PRH1: variants seen among roughly 807,000 people sequenced by gnomAD.
PRH1 encodes the protein salivary acidic proline-rich phosphoprotein 1/2.
PRH1 carries 7 observed loss-of-function variants against 7.9 expected under a neutral mutation model. The ratio of observed to expected loss-of-function variants is 0.89; its 90% CI spans 0.50 to 1.67. The LOEUF (loss-of-function observed/expected upper bound fraction) is 1.67. Ranked by LOEUF, PRH1 falls within the 40% of genes most tolerant of loss-of-function variation. PRH1 has a pLI of 0.00. For synonymous variants in PRH1, 45 were observed against 80.8 expected, an observed-to-expected ratio of 0.56 and a Z score of 2.38; for missense variants, 109 against 223.6, an observed-to-expected ratio of 0.49 and a Z score of 3.27.
intron 1 of PRH1, among the ~76,000 whole-genome samples, chr12:11,041,886 C>A (rs972125418): frequency 6.6e-6 from 1 of 151,854 alleles, no homozygotes; most frequent in African/African-American, 2.4e-5. Flanking sequence ...ACCAGTAGGT[C>A]AACAAATAAA....
chr12:11,068,422 T>C (rs924758556), intron 1 of PRH1, among the ~76,000 whole-genome samples: 1 of 152,234 alleles, frequency 6.6e-6, no homozygotes, highest in Non-Finnish European at 1.5e-5. Context: ...ATTTTCTTTG[T>C]TGTATTATTC....
At chr12:10,950,721 G>A (rs1950557619) in intron 2 of PRH1, among the ~76,000 whole-genome samples, 3 of 151,868 alleles carry the variant, frequency 2.0e-5, no homozygotes, top group African/African-American at 7.3e-5. Flanking sequence ...CATATTGTAA[G>A]GGAAAATTAG....
chr12:11,046,836 C>T (rs1483301655), intron 1 of PRH1, among the ~76,000 whole-genome samples: 4 of 152,076 alleles, frequency 2.6e-5, no homozygotes, highest in African/African-American at 9.7e-5. Flanking sequence ...CATTGACAGT[C>T]ATTAGTTTTA....
At chr12:10,929,260 G>C (rs745490657) in intron 2 of PRH1, 1 of 1,614,164 alleles carries the variant, frequency 6.2e-7, no homozygotes, top group East Asian at 2.2e-5. Flanking sequence ...AGTGACACCA[G>C]AGCCTTCTGC....
Position 10,903,931 on chromosome 12 carries a change from CAAAA to C in PRH1, c.-58-19660_-58-19657del, listed in dbSNP as rs546066515. ...AATGCAATCCCATTTACAATAGCCT[CAAAA>C]AAAAAAAAAAAAAAAAAAACAACTA... On this transcript the variant is annotated intron_variant, in intron 2 of 3. Transcript: ENST00000539853. 5.1e-4 allele frequency among the ~76,000 whole-genome samples: 16 copies of C among 31,098 alleles called. 1 individual carries two copies. The Admixed American group carries it at 7.1e-3, about 14-fold the overall frequency. The allele number at this position is 31,098 out of a possible 152,430, so 20.4% of individuals were successfully genotyped here. A position where few individuals can be genotyped will look rare whatever the true frequency, so the allele number is the denominator to read the frequency against.
At chr12:11,127,027 T>C (rs1946155712) in intron 1 of PRH1, among the ~76,000 whole-genome samples, 1 of 152,214 alleles carries the variant, frequency 6.6e-6, no homozygotes, top group Admixed American at 6.5e-5. Context: ...TTAATTTCTA[T>C]GTGCTCCTGA....
intron 1 of PRH1, among the ~76,000 whole-genome samples, chr12:11,038,572 T>C (rs1942554689): frequency 6.6e-6 from 1 of 152,268 alleles, no homozygotes; most frequent in South Asian, 2.1e-4. Context: ...CTCAAATTTG[T>C]TCATTTTCTC....
chr12:10,970,676 T>G (rs1938768095), intron 2 of PRH1, among the ~76,000 whole-genome samples: 1 of 151,962 alleles, frequency 6.6e-6, no homozygotes, highest in Admixed American at 6.6e-5. Context: ...GCGATTCTCC[T>G]GCCTCAGCCT....
chr12:11,097,088 G>A (rs1945091690), intron 1 of PRH1: 1 of 137,430 alleles, frequency 7.3e-6, no homozygotes, highest in South Asian at 8.3e-5. Flanking sequence ...GTGAGCCACC[G>A]CGCCTGCCCT....
intron 2 of PRH1, chr12:10,965,127 A>G: frequency 7.1e-7 from 1 of 1,401,514 alleles, no homozygotes. Context: ...CCTAAACTAT[A>G]TGAACCTGGA....
At chr12:11,140,643 G>A (rs1338551705) in intron 1 of PRH1, among the ~76,000 whole-genome samples, 2 of 152,102 alleles carry the variant, frequency 1.3e-5, no homozygotes, top group African/African-American at 2.4e-5. Context: ...CATCCTTGCT[G>A]TAAGGTAAAA....
In PRH1 at chr12:10,883,107, A is replaced by C; in HGVS notation, c.65-11T>G. The C allele has an allele frequency of 6.2e-7, 1 of 1,612,916 alleles. No individual in the cohort carries two copies. Among genetic ancestry groups the C allele is most frequent in the African/African-American group, 1.3e-5 (1 of 75,016 alleles). ...CTTCCTGGCTGACATCTAGAAAAGA[A>C]GTACAGGATGATGGGAAAAGTTACT... On this transcript the variant is annotated splice_polypyrimidine_tract_variant and intron_variant, in intron 1 of 3. Transcript: ENST00000543626.
intron 1 of PRH1, among the ~76,000 whole-genome samples, chr12:11,046,002 G>GTA (rs1229429931): frequency 2.0e-5 from 3 of 152,132 alleles, no homozygotes; most frequent in African/African-American, 7.2e-5. Flanking sequence ...TAAAAAGGAT[G>GTA]TATATGACTA....
In PRH1 at chr12:11,133,411, G is replaced by C. The variant is rs1946433486; in HGVS notation, n.40-12231C>G. The stretch of plus-strand genomic sequence containing the variant: ...TTAGCTTCTTGTTTCCCAAAATCAG[G>C]ATGAATGGGTGGGTTGAAGGATAGC... On this transcript the variant is annotated intron_variant and non_coding_transcript_variant, in intron 1 of 1. Coordinates refer to the PRH1 transcript ENST00000541175. The C allele has an allele frequency of 1.9e-6, 3 of 1,613,962 alleles. No individual in the cohort carries two copies. In the African/African-American group the frequency reaches 4.0e-5, roughly 22 times the overall value.
chr12:11,138,831 G>A (rs1946628216), intron 1 of PRH1, among the ~76,000 whole-genome samples: 1 of 152,062 alleles, frequency 6.6e-6, no homozygotes, highest in Non-Finnish European at 1.5e-5. Flanking sequence ...CTGAGCACAG[G>A]AGTTCAAGAC....
chr12:10,893,621 T>C (rs1277951160), intron 2 of PRH1, among the ~76,000 whole-genome samples: 1 of 152,246 alleles, frequency 6.6e-6, no homozygotes, highest in African/African-American at 2.4e-5. Context: ...GTCTATTCTC[T>C]GGATATTTTA....
chr12:11,128,043 G>A (rs1047935092), intron 1 of PRH1, among the ~76,000 whole-genome samples: 4 of 146,992 alleles, frequency 2.7e-5, no homozygotes, highest in Non-Finnish European at 4.5e-5. Context: ...CCCAGGAGGC[G>A]GAGCTTGCAG....
At chr12:10,951,125 A>G (rs1486721180) in intron 2 of PRH1, among the ~76,000 whole-genome samples, 1 of 152,188 alleles carries the variant, frequency 6.6e-6, no homozygotes, top group East Asian at 1.9e-4. Flanking sequence ...CAAATTACCT[A>G]CTATTTAAAC....
chr12:10,901,699 C>CA (rs1463554165), intron 2 of PRH1, among the ~76,000 whole-genome samples: 3 of 152,096 alleles, frequency 2.0e-5, no homozygotes, highest in Non-Finnish European at 4.4e-5. Flanking sequence ...GGTTGAACCG[C>CA]ACAGTCTAAT....
Sources: allele counts gnomAD v4.1 joint callset (sites outside exome capture counted in the v4.1 genomes callset), GRCh38; gene constraint gnomAD v4.1.1; transcripts MANE v1.5; gene names NCBI Gene and HGNC (gene_info 2026-07-23, HGNC 2026-07-21).